Variants in BCAR3 observed in about 807,000 individuals in gnomAD.
BCAR3 encodes the protein breast cancer anti-estrogen resistance protein 3.
Under a neutral mutation model 80.1 loss-of-function variants are expected in BCAR3, and 37 were observed. The ratio of observed to expected loss-of-function variants is 0.46; its 90% CI spans 0.36 to 0.61. BCAR3 has a LOEUF of 0.61. Ranked by LOEUF, BCAR3 falls within the 20% of genes least tolerant of loss-of-function variation. The pLI is 0.00. For synonymous variants in BCAR3, 389 were observed against 418.9 expected, an observed-to-expected ratio of 0.93 and a Z score of 0.87; for missense variants, 978 against 1,068.2, an observed-to-expected ratio of 0.92 and a Z score of 1.18.
intron 2 of BCAR3, among the ~76,000 whole-genome samples, chr1:93,716,783 G>C (rs1162171680): frequency 6.6e-6 from 1 of 152,212 alleles, no homozygotes; most frequent in East Asian, 1.9e-4. Flanking sequence ...TTGTCCATTA[G>C]CTCCCCTCCT....
At chr1:93,803,219 T>C (rs996726252) in intron 2 of BCAR3, among the ~76,000 whole-genome samples, 1 of 152,072 alleles carries the variant, frequency 6.6e-6, no homozygotes, top group Non-Finnish European at 1.5e-5. Context: ...ATTCAGGCTG[T>C]AGGAAGCAAG....
At chr1:93,703,105 G>T (rs993428843) in intron 3 of BCAR3, among the ~76,000 whole-genome samples, 3 of 152,178 alleles carry the variant, frequency 2.0e-5, no homozygotes, top group African/African-American at 7.2e-5. Context: ...CCTGGAATTG[G>T]AACTGTGATC....
At position 93,625,020 on chromosome 1, in the gene BCAR3, C is replaced by T. The variant is rs528222295; in HGVS notation, c.357+17284G>A. Among the ~76,000 whole-genome samples, 39 of 152,312 alleles carry T rather than the reference C, an allele frequency of 2.6e-4. 1 individual carries two copies. The highest frequency in any genetic ancestry group is 1.4e-3 in the Admixed American group (21 of 15,306). Reference sequence around the variant, plus strand: ...GGTCAGGAGATCAAGACCATCCTCACTAACATGGTGAAACCCCACCTCTAC... The same window carrying T: ...GGTCAGGAGATCAAGACCATCCTCATTAACATGGTGAAACCCCACCTCTAC... On this transcript the variant is annotated intron_variant, in intron 3 of 11. Transcript: ENST00000260502.
intron 2 of BCAR3, among the ~76,000 whole-genome samples, chr1:93,735,212 T>C (rs1650934232): frequency 6.6e-6 from 1 of 152,272 alleles, no homozygotes; most frequent in Non-Finnish European, 1.5e-5. Flanking sequence ...CTGGTCAGAA[T>C]TGGCTTGGAC....
At chr1:93,597,765 G>T (rs1339243666) in intron 3 of BCAR3, among the ~76,000 whole-genome samples, 1 of 152,184 alleles carries the variant, frequency 6.6e-6, no homozygotes, top group Non-Finnish European at 1.5e-5. Context: ...AGGTGTTTGG[G>T]AGGCAAGCAG....
chr1:93,694,625 T>C (rs1287350335), intron 3 of BCAR3, among the ~76,000 whole-genome samples: 1 of 152,218 alleles, frequency 6.6e-6, no homozygotes, highest in Non-Finnish European at 1.5e-5. Context: ...CCAACTTTCC[T>C]GATCATTAAA....
At chr1:93,668,764 A>G (rs1045314486) in intron 2 of BCAR3, among the ~76,000 whole-genome samples, 2 of 146,066 alleles carry the variant, frequency 1.4e-5, no homozygotes, top group Non-Finnish European at 3.0e-5. Flanking sequence ...CAGGCTGGAG[A>G]GTAGTGGTGT....
At chr1:93,642,494 G>A (rs1676014678) in intron 2 of BCAR3, 151 bp from the exon 3 acceptor site, 4 of 705,216 alleles carry the variant, frequency 5.7e-6, no homozygotes, top group Non-Finnish European at 9.7e-6. Flanking sequence ...TGTGTGTGGT[G>A]GGGTGGGAGA....
chr1:93,571,816 C>T lies in BCAR3; in HGVS notation c.1828G>A (p.Ala610Thr). The part of the protein sequence containing the change: ...ERHNTMAIGI[A>T]VDILGCTGTL... ...CCCGTGCATCCCAGAATGTCCACTGCAATGCCGATGGCCATTGTGTTGTGT... is the reference window on the plus strand; with the variant it reads ...CCCGTGCATCCCAGAATGTCCACTGTAATGCCGATGGCCATTGTGTTGTGT... Residue 610 changes from alanine (A) to threonine (T), a missense_variant, in exon 9 of 12, where the codon GCA (alanine) becomes ACA (threonine). Coordinates refer to ENST00000260502, the MANE Select transcript of BCAR3 (RefSeq NM_003567.4). The T allele has an allele frequency of 6.2e-7, 1 of 1,614,034 alleles. No individual in the cohort carries two copies. The highest frequency in any genetic ancestry group is 8.5e-7 in the Non-Finnish European group (1 of 1,180,008).
At chr1:93,606,201 C>G (rs1195443101) in intron 3 of BCAR3, among the ~76,000 whole-genome samples, 1 of 152,188 alleles carries the variant, frequency 6.6e-6, no homozygotes, top group Non-Finnish European at 1.5e-5. Flanking sequence ...TCTCATTTAA[C>G]AAGCATTTTA....
Position 93,688,782 on chromosome 1 carries a change from G to T in BCAR3, c.-11-13841C>A, listed in dbSNP as rs1557654985. On this transcript the variant is annotated intron_variant, in intron 3 of 13. Coordinates refer to the BCAR3 transcript ENST00000370244. The stretch of plus-strand genomic sequence containing the variant: ...GGCTAAGGTTTTTTTGTTTGTTTTT[G>T]TTTGTTTGTTTGTTTGTTTGTTTTT... Among the ~76,000 whole-genome samples the T allele has an allele frequency of 4.1e-5, 3 of 73,530 alleles. 1 individual carries two copies. Among genetic ancestry groups the T allele is most frequent in the East Asian group, 5.3e-4 (2 of 3,798 alleles). 48.2% of individuals were successfully genotyped at this position (73,530 alleles called of 152,430 possible). A position where few individuals can be genotyped will look rare whatever the true frequency, so the allele number is the denominator to read the frequency against.
intron 3 of BCAR3, among the ~76,000 whole-genome samples, chr1:93,636,124 G>A (rs1675772114): frequency 6.6e-6 from 1 of 152,198 alleles, no homozygotes; most frequent in Admixed American, 6.5e-5. Flanking sequence ...TGGATGGCCT[G>A]TAACGTCTAT....
At chr1:93,680,849 G>T (rs1648723550) in intron 1 of BCAR3, among the ~76,000 whole-genome samples, 1 of 152,136 alleles carries the variant, frequency 6.6e-6, no homozygotes, top group African/African-American at 2.4e-5. Context: ...GTCTACACCT[G>T]ATTACACCGT....
chr1:93,786,192 C>CAAAAAA (rs61644309), intron 2 of BCAR3, among the ~76,000 whole-genome samples: 5,790 of 23,220 alleles, frequency 0.25, 1,358 homozygotes, highest in East Asian at 0.43. Context: ...GACTCCGTCT[C>CAAAAAA]AAAAAAAAAA....
chr1:93,592,242 C>A lies in BCAR3; in HGVS notation c.486+23G>T. On this transcript the variant is annotated intron_variant, in intron 4 of 11. Coordinates refer to ENST00000260502, the MANE Select transcript of BCAR3 (RefSeq NM_003567.4). The surrounding 1 kb of genome is among the most constrained non-coding windows in gnomAD (Gnocchi z 4.8). ...TTGCCTGAGAGCAGCCGTGTATGCT[C>A]TGGAAGGGACAAGACCAGGTACCTG... 1 of 1,613,236 alleles carries A rather than the reference C, an allele frequency of 6.2e-7. No individual in the cohort carries two copies. The highest frequency in any genetic ancestry group is 8.5e-7 in the Non-Finnish European group (1 of 1,179,976).
intron 2 of BCAR3, among the ~76,000 whole-genome samples, chr1:93,817,042 T>A (rs1654046254): frequency 6.6e-6 from 1 of 152,210 alleles, no homozygotes; most frequent in South Asian, 2.1e-4. Flanking sequence ...AATAACTTCC[T>A]GGATGGTTCC....
At chr1:93,573,615 A>ATTTGTTTTTTTT (rs919862286) in intron 8 of BCAR3, among the ~76,000 whole-genome samples, 1 of 129,792 alleles carries the variant, frequency 7.7e-6, no homozygotes, top group Non-Finnish European at 1.7e-5. Flanking sequence ...TATTTTTATT[A>ATTTGTTTTTTTT]TTATTATTAT....
chr1:93,742,075 G>A (rs12725087), intron 2 of BCAR3, among the ~76,000 whole-genome samples: 17,846 of 152,148 alleles, frequency 0.12, 1,469 homozygotes, highest in African/African-American at 0.22. Flanking sequence ...GTCTGGGTCT[G>A]GCATCTCCAA....
chr1:93,683,350 C>T (rs999847095), upstream of BCAR3, among the ~76,000 whole-genome samples: 1 of 152,256 alleles, frequency 6.6e-6, no homozygotes, highest in East Asian at 1.9e-4. Flanking sequence ...CCATACTGCT[C>T]GTCAAAATGA....
Sources: allele counts gnomAD v4.1 joint callset (sites outside exome capture counted in the v4.1 genomes callset), GRCh38; gene constraint gnomAD v4.1.1; non-coding constraint Gnocchi (gnomAD v3.1); transcripts MANE v1.5; gene names NCBI Gene and HGNC (gene_info 2026-07-23, HGNC 2026-07-21).